The following OXCT1 variants were observed in gnomAD, a reference collection of about 807,000 sequenced individuals.
OXCT1 encodes the protein 3-oxoacid CoA-transferase 1.
A neutral mutation model predicts 69.6 loss-of-function variants in OXCT1; 27 were observed. That is an observed-to-expected ratio of 0.39 (90% confidence interval 0.29 to 0.54). The LOEUF (loss-of-function observed/expected upper bound fraction) is 0.54, where lower values mean the gene tolerates loss of function less well. Ranked by LOEUF, OXCT1 falls within the 20% of genes least tolerant of loss-of-function variation. The pLI is 0.72. For missense variants in OXCT1, 437 were observed against 650.2 expected, an observed-to-expected ratio of 0.67 and a Z score of 3.57; for synonymous variants, 202 against 217.8, an observed-to-expected ratio of 0.93 and a Z score of 0.64.
intron 13 of OXCT1, among the ~76,000 whole-genome samples, chr5:41,775,135 T>C (rs935648554): frequency 6.6e-6 from 1 of 152,124 alleles, no homozygotes; most frequent in African/African-American, 2.4e-5. Flanking sequence ...CACCCAATTC[T>C]GTAACCAGCT....
At chr5:41,819,306 G>A (rs1213144650) in intron 7 of OXCT1, among the ~76,000 whole-genome samples, 5 of 149,618 alleles carry the variant, frequency 3.3e-5, no homozygotes, top group South Asian at 2.1e-4. Context: ...TTTCAGGAGG[G>A]AGTATCACGA....
chr5:41,744,971 T>C (rs1196779582), intron 15 of OXCT1, among the ~76,000 whole-genome samples: 1 of 152,090 alleles, frequency 6.6e-6, no homozygotes, highest in African/African-American at 2.4e-5. Context: ...GACATTCCAC[T>C]GTCAACATTA....
At chr5:41,838,531 T>A (rs543598734) in intron 7 of OXCT1, among the ~76,000 whole-genome samples, 16 of 152,336 alleles carry the variant, frequency 1.1e-4, no homozygotes, top group Admixed American at 2.0e-4. Flanking sequence ...GCAATGATAA[T>A]GTTTACTTGT....
intron 3 of OXCT1, among the ~76,000 whole-genome samples, chr5:41,854,612 T>A (rs879624478): frequency 2.0e-5 from 3 of 152,148 alleles, no homozygotes; most frequent in Non-Finnish European, 4.4e-5. Context: ...AATTTTTTTT[T>A]AATGGTGAAA....
chr5:41,789,465 G>A (rs549723190), intron 13 of OXCT1, among the ~76,000 whole-genome samples: 4 of 152,156 alleles, frequency 2.6e-5, no homozygotes, highest in Non-Finnish European at 5.9e-5. Context: ...ATCAATACAT[G>A]TTGAATGAAT....
Position 41,731,424 on chromosome 5 carries a change from G to A in OXCT1, c.*305C>T. ...ATCAATTTCTAGGGCCCTTCTTGGG[G>A]AAAGGTTCATATAATTTAGCATACA... is the stretch of plus-strand genomic sequence containing the variant. On this transcript the variant is annotated 3_prime_UTR_variant, in exon 17 of 17. Coordinates refer to ENST00000196371, the MANE Select transcript of OXCT1 (RefSeq NM_000436.4). 2 of 1,041,994 alleles carry A rather than the reference G, an allele frequency of 1.9e-6. No individual in the cohort carries two copies. Among genetic ancestry groups the A allele is most frequent in the Non-Finnish European group, 2.4e-6 (2 of 848,024 alleles). The allele number at this position is 1,041,994 out of a possible 1,614,324, so 64.5% of individuals were successfully genotyped here. A position where few individuals can be genotyped will look rare whatever the true frequency, so the allele number is the denominator to read the frequency against.
chr5:41,771,667 A>G (rs900732386), intron 13 of OXCT1, among the ~76,000 whole-genome samples: 2 of 152,240 alleles, frequency 1.3e-5, no homozygotes, highest in Admixed American at 1.3e-4. Context: ...GAAGGCATTG[A>G]TGGAAAGAGC....
chr5:41,847,593 G>A (rs1748981865), intron 5 of OXCT1, among the ~76,000 whole-genome samples: 1 of 151,270 alleles, frequency 6.6e-6, no homozygotes, highest in Admixed American at 6.6e-5. Flanking sequence ...TGATCAAGTG[G>A]GCTTCATCCC....
At chr5:41,811,364 G>T (rs768632117) in intron 7 of OXCT1, among the ~76,000 whole-genome samples, 3 of 151,962 alleles carry the variant, frequency 2.0e-5, no homozygotes, top group Non-Finnish European at 4.4e-5. Context: ...CAATTACCCT[G>T]ATTTTACCTT....
rs190436225 is a variant in OXCT1, at chr5:41,731,703, C to T, written c.*26G>A. ...TCTTGTGTGTTTAAAATGAAAAACA[C>T]GCAGCCTGGTACAAATATCCATATT... On this transcript the variant is annotated 3_prime_UTR_variant, in exon 17 of 17. Transcript: ENST00000196371. 434 of 1,596,002 alleles carry T rather than the reference C, an allele frequency of 2.7e-4. 1 individual carries two copies. Among genetic ancestry groups the T allele is most frequent in the Non-Finnish European group, 3.2e-4 (377 of 1,170,160 alleles).
chr5:41,790,912 G>A (rs952919178), intron 13 of OXCT1, among the ~76,000 whole-genome samples: 1 of 152,080 alleles, frequency 6.6e-6, no homozygotes, highest in Admixed American at 6.6e-5. Flanking sequence ...GGTTGTACTG[G>A]CTCCTGTAAA....
intron 3 of OXCT1, among the ~76,000 whole-genome samples, chr5:41,858,381 C>T (rs1339601977): frequency 6.6e-6 from 1 of 152,104 alleles, no homozygotes; most frequent in African/African-American, 2.4e-5. Context: ...AAATGGGGAA[C>T]ATATCATTTC....
chr5:41,732,460 C>T (rs1370666767), intron 16 of OXCT1, among the ~76,000 whole-genome samples: 1 of 152,116 alleles, frequency 6.6e-6, no homozygotes, highest in African/African-American at 2.4e-5. Flanking sequence ...AAGGTAGAGC[C>T]GGTTGCAGGA....
chr5:41,739,587 C>G, intron 15 of OXCT1, 96 bp from the exon 16 acceptor site: 1 of 918,864 alleles, frequency 1.1e-6, no homozygotes, highest in Non-Finnish European at 1.8e-6. Context: ...TCGACGAGGT[C>G]GGGTGTGGTG....
chr5:41,738,408 TAGTG>T (rs1478389146), intron 16 of OXCT1, among the ~76,000 whole-genome samples: 6 of 152,166 alleles, frequency 3.9e-5, no homozygotes, highest in South Asian at 2.1e-4. Flanking sequence ...GTTCTTGTGA[TAGTG>T]AGTAAGTCTT....
intron 13 of OXCT1, among the ~76,000 whole-genome samples, chr5:41,792,942 A>C (rs1745991704): frequency 6.6e-6 from 1 of 152,178 alleles, no homozygotes; most frequent in Admixed American, 6.5e-5. Context: ...CAGGCATCAA[A>C]ATTTCTTAAA....
Position 41,794,739 on chromosome 5 carries a change from T to G in OXCT1, c.1110A>C (p.Thr370=). The G allele has an allele frequency of 6.2e-7, 1 of 1,613,630 alleles. No individual in the cohort carries two copies. Among genetic ancestry groups the G allele is most frequent in the Non-Finnish European group, 8.5e-7 (1 of 1,179,992 alleles). The change falls in exon 12 of 17, where the codon ACA becomes ACC. Residue 370 remains threonine, a synonymous_variant. Coordinates refer to ENST00000196371, the MANE Select transcript of OXCT1 (RefSeq NM_000436.4). ...AAGAGGCTCCTGGAAGAATAGTAAC[T>G]GTTTCCTTGCCTAAACACACACACA... The part of the protein sequence containing the change: ...DADLINAGKE[T]VTILPGASFF...
chr5:41,755,859 A>G (rs1166151156), intron 14 of OXCT1, among the ~76,000 whole-genome samples: 1 of 152,144 alleles, frequency 6.6e-6, no homozygotes, highest in African/African-American at 2.4e-5. Flanking sequence ...ATAAAGGTAC[A>G]TACATAAATA....
chr5:41,787,786 T>C (rs1189868211), intron 13 of OXCT1, among the ~76,000 whole-genome samples: 1 of 151,824 alleles, frequency 6.6e-6, no homozygotes, highest in Non-Finnish European at 1.5e-5. Flanking sequence ...GGCTATAAAT[T>C]AAACTGCAAC....
Sources: gnomAD v4.1 joint callset for allele counts (sites outside exome capture counted in the v4.1 genomes callset) on GRCh38, gnomAD v4.1.1 for gene constraint, MANE v1.5 for transcripts, NCBI Gene and HGNC (gene_info 2026-07-23, HGNC 2026-07-21) for gene names.